Variants in CX3CR1 observed in about 807,000 individuals in gnomAD.
CX3CR1 encodes the protein C-X3-C motif chemokine receptor 1.
For synonymous variants in CX3CR1, 168 were observed against 178.5 expected (o/e 0.94, Z 0.47); for missense variants, 363 against 432.4 (o/e 0.84, Z 1.42).
upstream of CX3CR1, chr3:39,286,657 CAA>C (rs1191872396): frequency 1.1e-4 from 9 of 81,636 alleles, no homozygotes; most frequent in Admixed American, 4.5e-4. Context: ...GACTCCGTCT[CAA>C]AAAAAAAAAA....
At chr3:39,267,745 G>A (rs1352871536) in intron 1 of CX3CR1, among the ~76,000 whole-genome samples, 1 of 152,166 alleles carries the variant, frequency 6.6e-6, no homozygotes, top group Non-Finnish European at 1.5e-5. Flanking sequence ...TTCCCCCTAC[G>A]ATTACCAGCC....
upstream of CX3CR1, chr3:39,280,982 C>G (rs763856057): frequency 3.1e-5 from 19 of 609,212 alleles, no homozygotes; most frequent in Non-Finnish European, 3.9e-5. Context: ...GTCTGTGACC[C>G]CTTCAAGGCC....
chr3:39,278,572 AT>A (rs1263969557), intron 1 of CX3CR1, among the ~76,000 whole-genome samples: 1 of 35,438 alleles, frequency 2.8e-5, no homozygotes, highest in Admixed American at 2.9e-4. Context: ...ACGTGGTTCA[AT>A]TTTCCTTTTT....
At chr3:39,270,132 C>T (rs1374308664) in intron 1 of CX3CR1, among the ~76,000 whole-genome samples, 1 of 152,172 alleles carries the variant, frequency 6.6e-6, no homozygotes, top group Non-Finnish European at 1.5e-5. Context: ...GGCTTAGGGG[C>T]CAAATCCTGG....
chr3:39,267,735 T>C (rs1039990074), intron 1 of CX3CR1, among the ~76,000 whole-genome samples: 2 of 152,242 alleles, frequency 1.3e-5, no homozygotes, highest in African/African-American at 4.8e-5. Flanking sequence ...GGGTGACTAA[T>C]TCCCCCTACG....
chr3:39,279,459 C>T (rs1181319536), intron 1 of CX3CR1, among the ~76,000 whole-genome samples: 1 of 152,154 alleles, frequency 6.6e-6, no homozygotes, highest in Non-Finnish European at 1.5e-5. Flanking sequence ...CGAGAACCTC[C>T]TTATACCCAA....
At chr3:39,290,380 C>G in the CX3CR1 span, among the ~76,000 whole-genome samples, 2,593 of 152,322 alleles carry the variant, frequency 0.017, 68 homozygotes, top group African/African-American at 0.059. Context: ...GAGTGGTCTT[C>G]TTTGAGCCTT....
At chr3:39,290,538 T>C in the CX3CR1 span, among the ~76,000 whole-genome samples, 1 of 152,186 alleles carries the variant, frequency 6.6e-6, no homozygotes, top group African/African-American at 2.4e-5. Flanking sequence ...GGGACCTTCA[T>C]TCACTATGCC....
chr3:39,281,659 A>G (rs780911224), upstream of CX3CR1: 28 of 1,599,078 alleles, frequency 1.8e-5, no homozygotes, highest in East Asian at 3.3e-4. Context: ...CTGAAATCCA[A>G]GTCTGCCAAC....
chr3:39,270,664 T>C lies in CX3CR1; in HGVS notation c.-9-4146A>G, dbSNP rs997255002. Among the ~76,000 whole-genome samples the C allele has an allele frequency of 2.6e-5, 4 of 152,232 alleles. No homozygotes were observed. The East Asian group carries it at 5.8e-4, about 22-fold the overall frequency. Reference sequence around the variant, plus strand: ...TAAAGTTTAAATATCTCTTAAGGAATACACTGGTGGTGGTAATTATCCCTG... The same window carrying C: ...TAAAGTTTAAATATCTCTTAAGGAACACACTGGTGGTGGTAATTATCCCTG... On this transcript the variant is annotated intron_variant, in intron 1 of 1. Transcript: ENST00000399220.
intron 1 of CX3CR1, among the ~76,000 whole-genome samples, chr3:39,278,510 G>A (rs956484875): frequency 6.6e-6 from 1 of 152,052 alleles, no homozygotes; most frequent in South Asian, 2.1e-4. Context: ...CCTCCAAAGC[G>A]CCCTCTGGGC....
the CX3CR1 span, among the ~76,000 whole-genome samples, chr3:39,292,928 A>C: frequency 6.6e-6 from 1 of 152,208 alleles, no homozygotes; most frequent in Non-Finnish European, 1.5e-5. Context: ...GTCCTCTTTC[A>C]ATATCTGGAG....
At chr3:39,291,829 C>A in the CX3CR1 span, among the ~76,000 whole-genome samples, 1 of 152,340 alleles carries the variant, frequency 6.6e-6, no homozygotes, top group East Asian at 1.9e-4. Context: ...CACAAATTTA[C>A]CTACATGCAG....
intron 1 of CX3CR1, among the ~76,000 whole-genome samples, chr3:39,273,402 A>G (rs2040802531): frequency 6.6e-6 from 1 of 152,228 alleles, no homozygotes; most frequent in Non-Finnish European, 1.5e-5. Flanking sequence ...GGAGAGGAAA[A>G]GTCTGAAGGC....
chr3:39,284,875 C>T (rs1197573067), upstream of CX3CR1, among the ~76,000 whole-genome samples: 2 of 152,054 alleles, frequency 1.3e-5, no homozygotes, highest in African/African-American at 2.4e-5. Flanking sequence ...GAAGGGATCT[C>T]GCTACAGGAA....
chr3:39,272,823 T>C (rs933390128), intron 1 of CX3CR1, among the ~76,000 whole-genome samples: 1 of 152,174 alleles, frequency 6.6e-6, no homozygotes, highest in Admixed American at 6.5e-5. Flanking sequence ...GCTGTTGACA[T>C]TGTGGAATCT....
At chr3:39,290,060 T>C in the CX3CR1 span, among the ~76,000 whole-genome samples, 2 of 152,194 alleles carry the variant, frequency 1.3e-5, no homozygotes, top group Middle Eastern at 3.2e-3. Context: ...CTGAAGACCA[T>C]GAGGAACATC....
At chr3:39,291,586 C>T in the CX3CR1 span, among the ~76,000 whole-genome samples, 1 of 152,168 alleles carries the variant, frequency 6.6e-6, no homozygotes, top group African/African-American at 2.4e-5. Flanking sequence ...CAAACTAAGT[C>T]TCTAAATTTA....
intron 1 of CX3CR1, among the ~76,000 whole-genome samples, chr3:39,270,957 A>G (rs2040768042): frequency 6.6e-6 from 1 of 152,236 alleles, no homozygotes; most frequent in Non-Finnish European, 1.5e-5. Context: ...GGGCAAATAG[A>G]TGAATTCAGA....
Sources: gnomAD v4.1 joint callset for allele counts (sites outside exome capture counted in the v4.1 genomes callset) on GRCh38, gnomAD v4.1.1 for gene constraint, MANE v1.5 for transcripts, NCBI Gene and HGNC (gene_info 2026-07-23, HGNC 2026-07-21) for gene names.